Variants in TDP1 observed in about 807,000 individuals in gnomAD.
TDP1 encodes the protein tyr-DNA phosphodiesterase 1.
Under a neutral mutation model 81.5 loss-of-function variants are expected in TDP1, and 64 were observed. The observed-to-expected ratio is 0.79, with a 90% CI of 0.64 to 0.97. TDP1 has a LOEUF of 0.97. TDP1 is among the 50% of genes least tolerant of loss of function. The probability of loss-of-function intolerance (pLI) is 0.00; values close to 1 mark genes in which losing one functional copy is unlikely to be tolerated. For synonymous variants in TDP1, 256 were observed against 264.3 expected (o/e 0.97, Z 0.30); for missense variants, 723 against 743.8 (o/e 0.97, Z 0.33).
intron 16 of TDP1, chr14:90,033,423 ATCCT>A (rs755595310): frequency 1.5e-4 from 94 of 632,620 alleles, no homozygotes; most frequent in Non-Finnish European, 2.3e-4. Context: ...TACTATACAG[ATCCT>A]TCCTGACTTA....
intron 5 of TDP1, among the ~76,000 whole-genome samples, chr14:89,969,169 A>G (rs991038210): frequency 1.3e-5 from 2 of 152,122 alleles, no homozygotes; most frequent in African/African-American, 4.8e-5. Flanking sequence ...GAGACAATAT[A>G]TTGCTGTTGT....
At chr14:89,988,780 C>A (rs1040895936) in intron 10 of TDP1, 125 bp from the exon 11 acceptor site, 23 of 1,535,490 alleles carry the variant, frequency 1.5e-5, no homozygotes, top group Non-Finnish European at 2.0e-5. Flanking sequence ...TGAAATTGAT[C>A]ACTAGTATTT....
intron 15 of TDP1, among the ~76,000 whole-genome samples, chr14:90,030,846 A>T (rs1475078855): frequency 6.6e-6 from 1 of 151,698 alleles, no homozygotes; most frequent in South Asian, 2.1e-4. Context: ...GCTCACTGCA[A>T]CCTCTGCCTT....
At chr14:89,973,939 A>G (rs34567445) in intron 6 of TDP1, among the ~76,000 whole-genome samples, 14,453 of 152,134 alleles carry the variant, frequency 0.095, 1,769 homozygotes, top group African/African-American at 0.28. Flanking sequence ...AGACAGACAC[A>G]TAGGCTGTCT....
Position 89,988,901 on chromosome 14 carries a change from C to G in TDP1, c.1132-4C>G, listed in dbSNP as rs1443896457. 1.9e-6 allele frequency: 3 copies of G among 1,613,956 alleles called. No individual in the cohort carries two copies. In the South Asian group the frequency reaches 3.3e-5, roughly 18 times the overall value. The stretch of plus-strand genomic sequence containing the variant: ...CTTTAACATTCACTTTTATTCTTTC[C>G]CAGCTTCTGAAAGACCATGCCTCAT... On this transcript the variant is annotated splice_polypyrimidine_tract_variant and splice_region_variant and intron_variant, in intron 10 of 16. Transcript: ENST00000335725.
At chr14:89,980,400 G>A in intron 7 of TDP1, 140 bp from the exon 8 acceptor site, 1 of 1,415,204 alleles carries the variant, frequency 7.1e-7, no homozygotes, top group Non-Finnish European at 9.6e-7. Context: ...ATGTATAGAA[G>A]GGAAGATTAT....
chr14:90,040,539 T>G (rs1186177730), intron 16 of TDP1, among the ~76,000 whole-genome samples: 2 of 152,126 alleles, frequency 1.3e-5, no homozygotes, highest in Non-Finnish European at 2.9e-5. Context: ...TTGTCTGTCT[T>G]CCCCACTGGA....
At position 89,971,185 on chromosome 14, in the gene TDP1, A is replaced by G. The variant is rs758205331; in HGVS notation, c.670A>G (p.Ile224Val). The change falls in exon 6 of 17, where the codon ATC becomes GTC. Residue 224 changes from isoleucine (I) to valine (V), a missense_variant. Coordinates refer to ENST00000335725, the MANE Select transcript of TDP1 (RefSeq NM_018319.4). Reference sequence around the variant, plus strand: ...ATGCTCTCTTTTTAGGAAGAAGCCAATCCTGCTTGTGCATGGTGATAAGCG... The same window carrying G: ...ATGCTCTCTTTTTAGGAAGAAGCCAGTCCTGCTTGTGCATGGTGATAAGCG... ...QYPPEFRKKP[I>V]LLVHGDKREA... 6.2e-6 allele frequency: 10 copies of G among 1,613,830 alleles called. No individual in the cohort carries two copies. The East Asian group carries it at 1.1e-4, about 18-fold the overall frequency.
chr14:89,991,899 T>C lies in TDP1; in HGVS notation c.1367-18T>C, dbSNP rs1020454768. ...ATTATATTTCATAATTTTTATTGTT[T>C]TATTTTTCTTTTAAAAGCTGGGGGC... On this transcript the variant is annotated intron_variant, in intron 12 of 16. Transcript: ENST00000335725. The C allele has an allele frequency of 6.2e-7, 1 of 1,601,864 alleles. No homozygotes were observed.
chr14:90,003,000 T>C (rs1943618911), intron 14 of TDP1, among the ~76,000 whole-genome samples: 1 of 152,186 alleles, frequency 6.6e-6, no homozygotes, highest in Admixed American at 6.5e-5. Context: ...TGCAGTGGCA[T>C]GATTTCGGCT....
intron 8 of TDP1, among the ~76,000 whole-genome samples, chr14:89,982,048 A>G (rs1179203623): frequency 6.6e-6 from 1 of 152,108 alleles, no homozygotes; most frequent in Non-Finnish European, 1.5e-5. Context: ...CGCAGGACAA[A>G]TGTAATCTCC....
In TDP1 at chr14:89,966,203, T is replaced by C; in HGVS notation, c.603+13T>C. ...TTCTTCAGCTCAGGTGAGTATACCT[T>C]TAAGCTGTTTTTTCTTTGGGTGAAA... On this transcript the variant is annotated intron_variant, in intron 4 of 16. Transcript: ENST00000335725. 1 of 1,576,572 alleles carries C rather than the reference T, an allele frequency of 6.3e-7. No homozygotes were observed. Among genetic ancestry groups the C allele is most frequent in the Non-Finnish European group, 8.7e-7 (1 of 1,146,202 alleles).
At chr14:89,995,725 C>T (rs1364868270) in intron 14 of TDP1, among the ~76,000 whole-genome samples, 2 of 152,144 alleles carry the variant, frequency 1.3e-5, no homozygotes, top group African/African-American at 4.8e-5. Flanking sequence ...GTTCCCAAAC[C>T]GAACTCATGT....
intron 5 of TDP1, among the ~76,000 whole-genome samples, chr14:89,969,390 G>T (rs1004037212): frequency 2.0e-5 from 3 of 152,178 alleles, no homozygotes; most frequent in African/African-American, 4.8e-5. Flanking sequence ...GAATTTGTAT[G>T]TAGAAAAATT....
At chr14:89,959,116 T>G (rs1892027948) in intron 2 of TDP1, among the ~76,000 whole-genome samples, 1 of 152,196 alleles carries the variant, frequency 6.6e-6, no homozygotes, top group Non-Finnish European at 1.5e-5. Flanking sequence ...TCCCAATCAC[T>G]TCCACTTCAG....
chr14:89,986,664 A>G (rs34231804), intron 10 of TDP1, among the ~76,000 whole-genome samples: 2 of 152,196 alleles, frequency 1.3e-5, no homozygotes, highest in Non-Finnish European at 2.9e-5. Flanking sequence ...AATCTAAGCC[A>G]GAGGCTTGTC....
At chr14:89,988,529 T>G (rs1302194459) in intron 10 of TDP1, 1 of 921,518 alleles carries the variant, frequency 1.1e-6, no homozygotes, top group African/African-American at 1.8e-5. Flanking sequence ...AAATACATAT[T>G]TCATAGCATC....
chr14:90,007,881 A>C (rs1265618828), intron 14 of TDP1, among the ~76,000 whole-genome samples: 1 of 152,088 alleles, frequency 6.6e-6, no homozygotes, highest in East Asian at 1.9e-4. Context: ...ACAGGCGTGA[A>C]CCACCATGCC....
intron 14 of TDP1, among the ~76,000 whole-genome samples, chr14:89,997,144 C>G (rs1033233356): frequency 6.6e-6 from 1 of 152,162 alleles, no homozygotes; most frequent in South Asian, 2.1e-4. Flanking sequence ...CCATAATGCC[C>G]TAGATTCCTG....
Sources: gnomAD v4.1 joint callset for allele counts (sites outside exome capture counted in the v4.1 genomes callset) on GRCh38, gnomAD v4.1.1 for gene constraint, MANE v1.5 for transcripts, NCBI Gene and HGNC (gene_info 2026-07-23, HGNC 2026-07-21) for gene names.